AIG1: variants seen among roughly 807,000 people sequenced by gnomAD.
AIG1 encodes the protein androgen induced 1, also known as androgen-induced gene 1 protein.
In AIG1, 23 loss-of-function variants were observed where a neutral mutation model predicts 31.4. The ratio of observed to expected loss-of-function variants is 0.73; its 90% confidence interval spans 0.53 to 1.04. AIG1 has a LOEUF of 1.04. Among genes scored for constraint, AIG1 ranks in the 50% least tolerant of loss-of-function variants. The pLI, the probability that AIG1 is intolerant of heterozygous loss-of-function variation, is 0.00. For synonymous variants in AIG1, 100 were observed against 110.5 expected (o/e 0.90, Z 0.60); for missense variants, 274 against 295.0 (o/e 0.93, Z 0.52).
chr6:143,100,116 C>T (rs1267667775), intron 1 of AIG1, among the ~76,000 whole-genome samples: 3 of 152,168 alleles, frequency 2.0e-5, no homozygotes, highest in East Asian at 1.9e-4. Flanking sequence ...GGATATAACC[C>T]GTGGGTCCTG....
At chr6:143,213,109 CT>C (rs1791719959) in intron 3 of AIG1, among the ~76,000 whole-genome samples, 1 of 152,094 alleles carries the variant, frequency 6.6e-6, no homozygotes, top group African/African-American at 2.4e-5. Context: ...CTTGTGTTTT[CT>C]TTTTGGCAGT....
At chr6:143,190,037 T>G (rs1006635502) in intron 3 of AIG1, 11 of 509,984 alleles carry the variant, frequency 2.2e-5, no homozygotes, top group Non-Finnish European at 2.8e-5. Flanking sequence ...CTCTGGAGCC[T>G]CTTTTAAAAG....
intron 3 of AIG1, among the ~76,000 whole-genome samples, chr6:143,192,323 G>C (rs757789691): frequency 6.6e-6 from 1 of 152,164 alleles, no homozygotes; most frequent in Non-Finnish European, 1.5e-5. Context: ...TTTCTTCCTA[G>C]GCCAGGCATG....
chr6:143,309,389 T>G (rs1775081632), intron 4 of AIG1, among the ~76,000 whole-genome samples: 1 of 152,098 alleles, frequency 6.6e-6, no homozygotes, highest in African/African-American at 2.4e-5. Flanking sequence ...CATATGATTT[T>G]TCTTTTTAAG....
At position 143,320,820 on chromosome 6, in the gene AIG1, ATT is replaced by A. The variant is rs35582590; in HGVS notation, c.516-12445_516-12444del. Among the ~76,000 whole-genome samples, 365 of 134,380 alleles carry A rather than the reference ATT, an allele frequency of 2.7e-3. 1 individual carries two copies. The highest frequency in any genetic ancestry group is 3.7e-3 in the African/African-American group (137 of 36,740). 88.2% of individuals were successfully genotyped at this position (134,380 alleles called of 152,430 possible). The stretch of plus-strand genomic sequence containing the variant: ...TACTTAAAACTTGTTAAGCGAGTAG[ATT>A]TTTTTTTTTTTTTTTTGAGAAGGAG... On this transcript the variant is annotated intron_variant, in intron 4 of 5. Coordinates refer to ENST00000357847, the MANE Select transcript of AIG1 (RefSeq NM_016108.4).
chr6:143,231,587 A>G (rs1027553723), intron 3 of AIG1, among the ~76,000 whole-genome samples: 1 of 152,256 alleles, frequency 6.6e-6, no homozygotes, highest in African/African-American at 2.4e-5. Context: ...CACAAATGCA[A>G]TGCAAACCAG....
At chr6:143,275,376 C>G (rs530550661) in intron 3 of AIG1, among the ~76,000 whole-genome samples, 2 of 152,172 alleles carry the variant, frequency 1.3e-5, no homozygotes, top group South Asian at 4.1e-4. Context: ...TATTAATATC[C>G]AAATTTGTTT....
intron 1 of AIG1, among the ~76,000 whole-genome samples, chr6:143,079,820 A>G (rs1237966221): frequency 1.4e-5 from 2 of 137,982 alleles, no homozygotes; most frequent in East Asian, 4.3e-4. Context: ...AAGATTTAAT[A>G]GAGTGAAAAC....
chr6:143,224,867 CG>C lies in AIG1; in HGVS notation c.400-59242del, dbSNP rs553583771. ...CAGGTTCCTTGCCTTCCATTTTTCC[CG>C]TCTAATAGATTCCATGTACGTTTGC... On this transcript the variant is annotated intron_variant, in intron 3 of 5. Coordinates refer to ENST00000357847, the MANE Select transcript of AIG1 (RefSeq NM_016108.4). 1.4e-4 allele frequency among the ~76,000 whole-genome samples: 22 copies of C among 152,176 alleles called. No homozygotes were observed. The South Asian group carries it at 4.2e-3, about 29-fold the overall frequency.
intron 1 of AIG1, among the ~76,000 whole-genome samples, chr6:143,095,207 G>A (rs1779642019): frequency 6.6e-6 from 1 of 151,980 alleles, no homozygotes; most frequent in Non-Finnish European, 1.5e-5. Flanking sequence ...AAACCGTGAG[G>A]TAAAGAGAAT....
chr6:143,289,413 G>T (rs1265908868), intron 4 of AIG1, among the ~76,000 whole-genome samples: 2 of 152,106 alleles, frequency 1.3e-5, no homozygotes, highest in Non-Finnish European at 2.9e-5. Flanking sequence ...CCAAAAAGGA[G>T]AGGGTACAAT....
intron 3 of AIG1, among the ~76,000 whole-genome samples, chr6:143,253,852 G>T (rs966938212): frequency 1.3e-5 from 2 of 152,176 alleles, no homozygotes; most frequent in Non-Finnish European, 2.9e-5. Context: ...TGAATCTCAT[G>T]GGTTAGTAAA....
At chr6:143,202,984 G>T (rs1338339956) in intron 3 of AIG1, among the ~76,000 whole-genome samples, 1 of 152,152 alleles carries the variant, frequency 6.6e-6, no homozygotes, top group East Asian at 1.9e-4. Flanking sequence ...TGTGGAAACA[G>T]AAACAATGTC....
chr6:143,204,743 G>C (rs917155499), intron 3 of AIG1, among the ~76,000 whole-genome samples: 1 of 151,966 alleles, frequency 6.6e-6, no homozygotes. Context: ...TGAGAGCAAA[G>C]GTAGAGTGAT....
At chr6:143,257,340 AAAAAC>A (rs1246652061) in intron 3 of AIG1, among the ~76,000 whole-genome samples, 1 of 152,140 alleles carries the variant, frequency 6.6e-6, no homozygotes, top group Non-Finnish European at 1.5e-5. Context: ...TAAAAAAAAC[AAAAAC>A]AAAACAAAAA....
chr6:143,238,671 C>T (rs1257259560), intron 3 of AIG1, among the ~76,000 whole-genome samples: 2 of 152,240 alleles, frequency 1.3e-5, no homozygotes, highest in African/African-American at 4.8e-5. Flanking sequence ...TGGAAGCAGA[C>T]ACGCTAGCAA....
intron 3 of AIG1, among the ~76,000 whole-genome samples, chr6:143,169,195 CTTATT>C (rs1274785273): frequency 1.3e-5 from 2 of 151,918 alleles, no homozygotes; most frequent in African/African-American, 4.8e-5. Flanking sequence ...AATGTATATA[CTTATT>C]TTAATTTTCA....
At position 143,106,817 on chromosome 6, in the gene AIG1, C is replaced by A. The variant is rs143057277; in HGVS notation, c.142-30018C>A. On this transcript the variant is annotated intron_variant, in intron 1 of 5. Coordinates refer to ENST00000357847, the MANE Select transcript of AIG1 (RefSeq NM_016108.4). ...TCATAGTTCCCTCAGGTGGGAAGTC[C>A]AAGATAAAGGTACTTACAGATTCCT... Among the ~76,000 whole-genome samples the A allele has an allele frequency of 7.9e-5, 12 of 152,138 alleles. No individual in the cohort carries two copies. The East Asian group carries it at 2.3e-3, about 29-fold the overall frequency.
At chr6:143,184,242 CA>C (rs1296549306) in intron 3 of AIG1, among the ~76,000 whole-genome samples, 1 of 152,290 alleles carries the variant, frequency 6.6e-6, no homozygotes, top group East Asian at 1.9e-4. Context: ...TTCTGCAGCC[CA>C]AATTTCTCCA....
Sources: gnomAD v4.1 joint callset for allele counts (sites outside exome capture counted in the v4.1 genomes callset) on GRCh38, gnomAD v4.1.1 for gene constraint, MANE v1.5 for transcripts, NCBI Gene and HGNC (gene_info 2026-07-23, HGNC 2026-07-21) for gene names.